The following RNF17 variants were observed in gnomAD, a reference collection of about 807,000 sequenced individuals.
The protein encoded by RNF17 is spermatogenesis associated 23.
A neutral mutation model predicts 200.5 loss-of-function variants in RNF17; 31 were observed. The observed-to-expected ratio is 0.15, with a 90% confidence interval of 0.12 to 0.21. The LOEUF is 0.21. Ranked by LOEUF, RNF17 falls within the 10% of genes least tolerant of loss-of-function variation. The pLI is 1.00. For synonymous variants in RNF17, 606 were observed against 637.8 expected, an observed-to-expected ratio of 0.95 and a Z score of 0.75; for missense variants, 1,628 against 1,905.1, an observed-to-expected ratio of 0.85 and a Z score of 2.71.
rs77375878 is a variant in RNF17 at position 24,815,691 on chromosome 13, T to C, written c.2092-9928T>C. On this transcript the variant is annotated intron_variant, in intron 15 of 35. Transcript: ENST00000255324. Reference sequence around the variant, plus strand: ...GTTTGTCTTTGACCATTGAGTATGATATTATCTGTGAGTTTTTCCCAAATG... The same window carrying C: ...GTTTGTCTTTGACCATTGAGTATGACATTATCTGTGAGTTTTTCCCAAATG... 5.3e-3 allele frequency among the ~76,000 whole-genome samples: 812 copies of C among 152,312 alleles called. 22 individuals are homozygous for C. The East Asian group carries it at 0.081, about 15-fold the overall frequency.
At chr13:24,804,070 G>A (rs1235230062) in intron 14 of RNF17, among the ~76,000 whole-genome samples, 1 of 152,098 alleles carries the variant, frequency 6.6e-6, no homozygotes, top group Non-Finnish European at 1.5e-5. Context: ...CAGGAGTTCA[G>A]GGTCAACCTG....
chr13:24,786,329 C>T (rs1293000889), intron 6 of RNF17, among the ~76,000 whole-genome samples: 1 of 152,036 alleles, frequency 6.6e-6, no homozygotes, highest in Non-Finnish European at 1.5e-5. Flanking sequence ...TTTATTTTTT[C>T]GATGTCACAA....
chr13:24,787,424 T>G (rs1361692778), intron 6 of RNF17, among the ~76,000 whole-genome samples: 1 of 152,170 alleles, frequency 6.6e-6, no homozygotes, highest in Non-Finnish European at 1.5e-5. Context: ...AATTGGGCAT[T>G]TGAGAAAATA....
At chr13:24,804,222 C>G (rs1405267635) in intron 14 of RNF17, 66 bp from the exon 15 acceptor site, 4 of 1,461,866 alleles carry the variant, frequency 2.7e-6, no homozygotes, top group Non-Finnish European at 2.8e-6. Context: ...ATGATAGCAC[C>G]ACTGCACTCC....
chr13:24,755,888 T>C, the RNF17 span, among the ~76,000 whole-genome samples: 3 of 152,330 alleles, frequency 2.0e-5, no homozygotes, highest in African/African-American at 7.2e-5. Flanking sequence ...TGTTTCACCT[T>C]CAGTAGTCAT....
At chr13:24,860,902 A>T (rs1387558235) in intron 26 of RNF17, among the ~76,000 whole-genome samples, 1 of 150,416 alleles carries the variant, frequency 6.6e-6, no homozygotes, top group Non-Finnish European at 1.5e-5. Flanking sequence ...TTTTGAAACA[A>T]GTTCTTCCTC....
rs1174651158 is a variant in RNF17 at position 24,800,495 on chromosome 13, A to G, written c.1719A>G (p.Ala573=). ...EGLLKDIQPL[A]QPCSLKDIVP... ...TGCTAAAAGACATCCAGCCATTAGCACAACCATGCTCATTGAAAGACATTG... is the reference window on the plus strand; with the variant it reads ...TGCTAAAAGACATCCAGCCATTAGCGCAACCATGCTCATTGAAAGACATTG... Residue 573 remains alanine (A), a synonymous_variant, in exon 13 of 36, where the codon GCA becomes GCG. Coordinates refer to ENST00000255324, the MANE Select transcript of RNF17 (RefSeq NM_031277.3). 6.2e-7 allele frequency: 1 copy of G among 1,613,550 alleles called. No individual in the cohort carries two copies. Among genetic ancestry groups the G allele is most frequent in the African/African-American group, 1.3e-5 (1 of 74,918 alleles).
chr13:24,829,683 A>T (rs1480163885), intron 16 of RNF17, among the ~76,000 whole-genome samples: 2 of 152,218 alleles, frequency 1.3e-5, no homozygotes, highest in African/African-American at 4.8e-5. Flanking sequence ...GAAATGACAG[A>T]TACTGTATTA....
At chr13:24,779,145 A>G (rs976017493) in intron 4 of RNF17, among the ~76,000 whole-genome samples, 2 of 152,118 alleles carry the variant, frequency 1.3e-5, no homozygotes, top group African/African-American at 4.8e-5. Flanking sequence ...TGCAGTGAGC[A>G]GAGATAGCAT....
Position 24,778,416 on chromosome 13 carries a change from A to C in RNF17, c.429+10A>C. 2 of 1,560,568 alleles carry C rather than the reference A, an allele frequency of 1.3e-6. No homozygotes were observed. Among genetic ancestry groups the C allele is most frequent in the Non-Finnish European group, 1.8e-6 (2 of 1,131,464 alleles). On this transcript the variant is annotated intron_variant, in intron 4 of 35. Coordinates refer to ENST00000255324, the MANE Select transcript of RNF17 (RefSeq NM_031277.3). ...ATCAGCTGTAATGTTGGTATGAAAC[A>C]TATTGGTCATGAAGTACGATGAAGG...
intron 22 of RNF17, among the ~76,000 whole-genome samples, chr13:24,848,131 A>G (rs1341038218): frequency 6.6e-6 from 1 of 152,194 alleles, no homozygotes; most frequent in Admixed American, 6.6e-5. Context: ...AATACTATTT[A>G]TAGGTAAGGA....
rs1892223688 is a variant in RNF17, at chr13:24,854,094, T to C, written c.3560T>C (p.Val1187Ala). Residue 1187 changes from valine to alanine, a missense_variant, in exon 25 of 36, where the codon GTC becomes GCC. By Grantham distance (64) the Val-to-Ala change is moderately conservative (BLOSUM62 0). This residue lies in a region of RNF17 where 609 missense variants were observed against 681.9 expected (regional missense o/e 0.89). Coordinates refer to ENST00000255324, the MANE Select transcript of RNF17 (RefSeq NM_031277.3). ...AACATGAACGTATTTGAGGCAACAG[T>C]CAGCTGTGTTGGTGATGATGGAACT... is the stretch of plus-strand genomic sequence containing the variant. The part of the protein sequence containing the change: ...IPNMNVFEAT[V>A]SCVGDDGTIF... 5.0e-6 allele frequency: 8 copies of C among 1,613,916 alleles called. No homozygotes were observed. Among genetic ancestry groups the C allele is most frequent in the Non-Finnish European group, 6.8e-6 (8 of 1,179,858 alleles).
chr13:24,869,280 A>G (rs1477643584), intron 31 of RNF17, among the ~76,000 whole-genome samples: 4 of 152,252 alleles, frequency 2.6e-5, no homozygotes, highest in African/African-American at 9.6e-5. Flanking sequence ...CAGCTCCTTC[A>G]GCCTTTTACA....
chr13:24,860,934 G>C (rs1893030917), intron 26 of RNF17, among the ~76,000 whole-genome samples: 1 of 150,760 alleles, frequency 6.6e-6, no homozygotes, highest in South Asian at 2.1e-4. Context: ...TTGGAGTGCA[G>C]TGGCACAGTC....
At chr13:24,811,685 G>A (rs1274078281) in intron 15 of RNF17, among the ~76,000 whole-genome samples, 2 of 152,184 alleles carry the variant, frequency 1.3e-5, no homozygotes, top group African/African-American at 4.8e-5. Flanking sequence ...TTGCTGGTGA[G>A]GAACTCTACT....
intron 6 of RNF17, among the ~76,000 whole-genome samples, chr13:24,782,893 A>G (rs985340955): frequency 6.6e-6 from 1 of 152,132 alleles, no homozygotes; most frequent in South Asian, 2.1e-4. Flanking sequence ...TGATCCACAA[A>G]AGTTTTTAAT....
chr13:24,870,721 C>T lies in RNF17; in HGVS notation c.4429C>T (p.Leu1477=). 1 of 1,613,940 alleles carries T rather than the reference C, an allele frequency of 6.2e-7. No individual in the cohort carries two copies. The highest frequency in any genetic ancestry group is 8.5e-7 in the Non-Finnish European group (1 of 1,179,910). ...VNKKVEALPP[L]TDFRTEMPCL... Reference sequence around the variant, plus strand: ...TAAGAAGGTAGAGGCGCTTCCTCCTCTGACGGATTTTAGAACAGGTATACT... The same window carrying T: ...TAAGAAGGTAGAGGCGCTTCCTCCTTTGACGGATTTTAGAACAGGTATACT... Residue 1477 remains leucine (L), a synonymous_variant, in exon 32 of 36, where the codon CTG becomes TTG. Transcript: ENST00000255324.
chr13:24,802,613 G>A, intron 14 of RNF17, 42 bp downstream of exon 14: 1 of 1,500,758 alleles, frequency 6.7e-7, no homozygotes, highest in Non-Finnish European at 9.1e-7. Context: ...TGAGATTATA[G>A]CTATAAATGA....
the RNF17 span, among the ~76,000 whole-genome samples, chr13:24,887,477 A>G: frequency 1.3e-5 from 2 of 152,216 alleles, no homozygotes; most frequent in African/African-American, 4.8e-5. Context: ...CATAGGAGCA[A>G]GAACCCTATT....
Sources: allele counts gnomAD v4.1 joint callset (sites outside exome capture counted in the v4.1 genomes callset), GRCh38; gene constraint gnomAD v4.1.1; regional missense constraint gnomAD v4.1.1; transcripts MANE v1.5; gene names NCBI Gene and HGNC (gene_info 2026-07-23, HGNC 2026-07-21).